SNX29: variants seen among roughly 807,000 people sequenced by gnomAD.
The protein encoded by SNX29 is sorting nexin 29, also known as sorting nexin-29.
Under a neutral mutation model 102.1 loss-of-function variants are expected in SNX29, and 78 were observed. That is an observed-to-expected ratio of 0.76 (90% CI 0.64 to 0.92). The LOEUF (loss-of-function observed/expected upper bound fraction) is 0.92, where lower values mean the gene tolerates loss of function less well. SNX29 is among the 40% of genes least tolerant of loss of function. SNX29 has a pLI of 0.00. For synonymous variants in SNX29, 580 were observed against 414.5 expected, an observed-to-expected ratio of 1.40 and a Z score of -4.85; for missense variants, 1,280 against 1,061.7, an observed-to-expected ratio of 1.21 and a Z score of -2.86.
chr16:12,084,801 G>T (rs952050498), intron 11 of SNX29, among the ~76,000 whole-genome samples: 4 of 152,218 alleles, frequency 2.6e-5, no homozygotes, highest in African/African-American at 4.8e-5. Context: ...GGGTGCAGTG[G>T]CGCACACCTG....
At chr16:11,991,468 A>C (rs1408767347) in intron 1 of SNX29, among the ~76,000 whole-genome samples, 1 of 152,156 alleles carries the variant, frequency 6.6e-6, no homozygotes, top group Non-Finnish European at 1.5e-5. Flanking sequence ...GAAGCAAGGC[A>C]TGGTTTCTAT....
chr16:12,219,979 C>A (rs766552363), intron 14 of SNX29, among the ~76,000 whole-genome samples: 1 of 152,250 alleles, frequency 6.6e-6, no homozygotes, highest in African/African-American at 2.4e-5. Context: ...GTACCTGTCC[C>A]GGCCTCAACT....
intron 18 of SNX29, among the ~76,000 whole-genome samples, chr16:12,423,592 A>T (rs557940319): frequency 6.6e-6 from 1 of 151,934 alleles, no homozygotes; most frequent in African/African-American, 2.4e-5. Context: ...TCTTCTCGAG[A>T]TGGAGTCTGG....
chr16:12,384,937 G>A (rs1455250801), intron 16 of SNX29, among the ~76,000 whole-genome samples: 1 of 152,186 alleles, frequency 6.6e-6, no homozygotes, highest in African/African-American at 2.4e-5. Flanking sequence ...TTGGGAGGCC[G>A]AGGCAGGTGG....
At chr16:12,450,711 A>T (rs1291468161) in intron 18 of SNX29, among the ~76,000 whole-genome samples, 1 of 152,194 alleles carries the variant, frequency 6.6e-6, no homozygotes, top group African/African-American at 2.4e-5. Context: ...CTGCTTGCTG[A>T]AGAGCTTGGG....
chr16:12,512,800 G>A (rs1046526233), intron 19 of SNX29, among the ~76,000 whole-genome samples: 1 of 152,156 alleles, frequency 6.6e-6, no homozygotes, highest in Admixed American at 6.5e-5. Context: ...TGCTTAGATG[G>A]AGAACTGAAT....
chr16:12,022,127 G>A (rs551518111), intron 3 of SNX29, among the ~76,000 whole-genome samples: 1 of 143,548 alleles, frequency 7.0e-6, no homozygotes, highest in African/African-American at 2.6e-5. Context: ...CTTTATTGAG[G>A]TCTAGTTTAT....
At chr16:12,406,050 A>G (rs1684352425) in intron 18 of SNX29, among the ~76,000 whole-genome samples, 1 of 151,926 alleles carries the variant, frequency 6.6e-6, no homozygotes, top group South Asian at 2.1e-4. Context: ...GAAAACAAGT[A>G]TGCTATTTAA....
chr16:12,551,515 ATCTTT>A (rs2077976154), intron 20 of SNX29, among the ~76,000 whole-genome samples: 4 of 152,214 alleles, frequency 2.6e-5, no homozygotes, highest in South Asian at 4.1e-4. Context: ...CAGCATCAGG[ATCTTT>A]TTAAAGTTCC....
chr16:12,440,208 G>A (rs1278783085), intron 18 of SNX29, among the ~76,000 whole-genome samples: 2 of 152,110 alleles, frequency 1.3e-5, no homozygotes, highest in Non-Finnish European at 2.9e-5. Context: ...TCTTTCTCCT[G>A]TCCTTAAAAA....
At chr16:12,434,411 G>T (rs955092351) in intron 18 of SNX29, among the ~76,000 whole-genome samples, 1 of 152,160 alleles carries the variant, frequency 6.6e-6, no homozygotes, top group Non-Finnish European at 1.5e-5. Context: ...AAAGCAGGGT[G>T]TTTGGTGGGG....
chr16:12,134,260 G>A (rs2054577983), intron 13 of SNX29, among the ~76,000 whole-genome samples: 2 of 152,256 alleles, frequency 1.3e-5, no homozygotes, highest in African/African-American at 4.8e-5. Flanking sequence ...TTATGGCAGT[G>A]TTAGCTCTTG....
Position 12,265,275 on chromosome 16 carries a change from A to G in SNX29, c.1679-12658A>G, listed in dbSNP as rs148943172. Among the ~76,000 whole-genome samples, 188 of 152,124 alleles carry G rather than the reference A, an allele frequency of 1.2e-3. 1 individual carries two copies. Among genetic ancestry groups the G allele is most frequent in the African/African-American group, 4.4e-3 (181 of 41,488 alleles). ...TCAAACTGCTTTTCACTTGGGGGGG[A>G]GAAACATGAGTCTAAAGTTTCCATC... On this transcript the variant is annotated intron_variant, in intron 14 of 20. Transcript: ENST00000566228.
At chr16:12,544,713 T>C (rs969172642) in intron 20 of SNX29, among the ~76,000 whole-genome samples, 2 of 152,182 alleles carry the variant, frequency 1.3e-5, no homozygotes, top group African/African-American at 4.8e-5. Context: ...ACCATCCCTT[T>C]AATAGGAGGG....
intron 14 of SNX29, among the ~76,000 whole-genome samples, chr16:12,250,750 C>G (rs1385470028): frequency 6.6e-6 from 1 of 152,186 alleles, no homozygotes; most frequent in Non-Finnish European, 1.5e-5. Context: ...CAGGGCTGTC[C>G]TGGGTGGCTC....
intron 9 of SNX29, among the ~76,000 whole-genome samples, chr16:12,063,480 TTCTCC>T (rs2050878854): frequency 6.6e-6 from 1 of 150,648 alleles, no homozygotes; most frequent in African/African-American, 2.4e-5. Context: ...GTTCAAGTGA[TTCTCC>T]TGCCTCAGCT....
chr16:12,324,392 G>A lies in SNX29; in HGVS notation c.1783-31771G>A, dbSNP rs148314456. 2.4e-3 allele frequency among the ~76,000 whole-genome samples: 370 copies of A among 152,042 alleles called. 4 individuals are homozygous for A. The Middle Eastern group carries it at 0.027, about 11-fold the overall frequency. ...CCTTTCTCCTCTCCAGCTGATTCTC[G>A]CCCTGTGGAAATGCTCTTGGCATTT... On this transcript the variant is annotated intron_variant, in intron 15 of 20. Coordinates refer to ENST00000566228, the MANE Select transcript of SNX29 (RefSeq NM_032167.5).
chr16:12,342,429 G>A (rs1481021712), intron 15 of SNX29, among the ~76,000 whole-genome samples: 8 of 152,128 alleles, frequency 5.3e-5, no homozygotes, highest in Admixed American at 2.0e-4. Flanking sequence ...TGGCTGCCCC[G>A]TTCATGGGAC....
chr16:12,212,243 G>A (rs1319448790), intron 14 of SNX29, among the ~76,000 whole-genome samples: 1 of 152,206 alleles, frequency 6.6e-6, no homozygotes, highest in Non-Finnish European at 1.5e-5. Context: ...ACTGAAAACT[G>A]ATTGTGTGCC....
Sources: gnomAD v4.1 joint callset for allele counts (sites outside exome capture counted in the v4.1 genomes callset) on GRCh38, gnomAD v4.1.1 for gene constraint, MANE v1.5 for transcripts, NCBI Gene and HGNC (gene_info 2026-07-23, HGNC 2026-07-21) for gene names.